ANKRD60: variants seen among roughly 807,000 people sequenced by gnomAD.
ANKRD60 encodes the protein ankyrin repeat domain-containing protein 60.
Under a neutral mutation model 21.3 loss-of-function variants are expected in ANKRD60, and 24 were observed. The observed-to-expected ratio is 1.13, with a 90% CI of 0.82 to 1.59. The LOEUF (loss-of-function observed/expected upper bound fraction) is 1.59. ANKRD60 is among the 40% of genes most tolerant of loss of function. The pLI is 0.00. For missense variants in ANKRD60, 490 were observed against 466.7 expected, an observed-to-expected ratio of 1.05 and a Z score of -0.46; for synonymous variants, 182 against 199.4, an observed-to-expected ratio of 0.91 and a Z score of 0.74.
exon 4 of ANKRD60, chr20:58,218,794 G>C (rs766820866): frequency 7.8e-6 from 12 of 1,536,844 alleles, no homozygotes; most frequent in Non-Finnish European, 1.1e-5. Context: ...GATCTGCTGA[G>C]GCAGCTGGCT....
chr20:58,221,673 C>T (rs545311343), intron 2 of ANKRD60, among the ~76,000 whole-genome samples, 170 bp from the exon 3 acceptor site: 3 of 152,256 alleles, frequency 2.0e-5, no homozygotes, highest in Admixed American at 6.5e-5. Context: ...CCCAGGACAG[C>T]ATGGGGAGGC....
intron 3 of ANKRD60, among the ~76,000 whole-genome samples, chr20:58,219,055 A>G (rs972397559): frequency 6.6e-6 from 1 of 151,240 alleles, no homozygotes; most frequent in East Asian, 2.0e-4. Context: ...TTTCCCGCTC[A>G]CTCTCACCCT....
intron 2 of ANKRD60, among the ~76,000 whole-genome samples, chr20:58,222,588 C>T (rs1296897132): frequency 1.3e-5 from 2 of 152,200 alleles, no homozygotes; most frequent in Admixed American, 6.5e-5. Flanking sequence ...AGCTGAGAGG[C>T]CAGCAGGAGC....
At chr20:58,218,935 C>A (rs1246769062) in intron 3 of ANKRD60, 130 bp from the exon 4 acceptor site, 8 of 769,988 alleles carry the variant, frequency 1.0e-5, no homozygotes, top group Non-Finnish European at 1.6e-5. Flanking sequence ...TGCCCTGCCC[C>A]CAGTCCACTC....
chr20:58,223,414 G>A (rs571284588), intron 1 of ANKRD60, among the ~76,000 whole-genome samples: 2 of 152,274 alleles, frequency 1.3e-5, no homozygotes, highest in Admixed American at 6.5e-5. Context: ...CAATGCCAAC[G>A]ATTTATAAAA....
rs1438196535 is a variant in ANKRD60, at chr20:58,228,592, G to A, written c.62C>T (p.Ala21Val). The stretch of plus-strand genomic sequence containing the variant: ...AGAGGCGCCCCCAGTTGGCCCCGCC[G>A]CCCGCGCTCCGCCCGCCCCCGCCGC... The change falls in exon 1 of 4, where the codon GCG becomes GTG. Residue 21 changes from alanine (A) to valine (V), a missense_variant. Physicochemically the swap from Ala to Val is moderately conservative, Grantham distance 64 (BLOSUM62 0). Transcript: ENST00000457363. This position sits in a 1 kb window ranked among gnomAD's most constrained non-coding sequence, Gnocchi z 5.3. The A allele has an allele frequency of 2.7e-6, 3 of 1,125,618 alleles. No homozygotes were observed. Among genetic ancestry groups the A allele is most frequent in the Admixed American group, 4.9e-5 (1 of 20,302 alleles). 69.7% of individuals were successfully genotyped at this position (1,125,618 alleles called of 1,614,324 possible).
At position 58,218,824 on chromosome 20, in the gene ANKRD60, G is replaced by A; in HGVS notation, c.728-19C>T. The A allele has an allele frequency of 6.6e-7, 1 of 1,515,724 alleles. No individual in the cohort carries two copies. Among genetic ancestry groups the A allele is most frequent in the South Asian group, 1.3e-5 (1 of 78,014 alleles). The allele number at this position is 1,515,724 out of a possible 1,614,324, so 93.9% of individuals were successfully genotyped here. On this transcript the variant is annotated intron_variant, in intron 3 of 3. Coordinates refer to ENST00000457363, the Ensembl canonical transcript of ANKRD60. ...CTGGCTCCTGTAAAATAAGAACATT[G>A]GCCAGAAGGAAGACATGCGGAGGGG...
intron 1 of ANKRD60, among the ~76,000 whole-genome samples, chr20:58,224,320 T>C (rs1474878846): frequency 6.6e-6 from 1 of 152,126 alleles, no homozygotes; most frequent in Non-Finnish European, 1.5e-5. Context: ...TCCAACTGAG[T>C]GGGATTCATG....
chr20:58,222,990 C>G (rs182314580), intron 2 of ANKRD60, 62 bp downstream of exon 2: 1 of 1,485,706 alleles, frequency 6.7e-7, no homozygotes, highest in African/African-American at 1.4e-5. Flanking sequence ...GACTAATTTT[C>G]CCCCCACAAT....
Position 58,218,807 on chromosome 20 carries a change from T to C in ANKRD60, c.728-2A>G. 1 of 1,529,014 alleles carries C rather than the reference T, an allele frequency of 6.5e-7. No individual in the cohort carries two copies. Among genetic ancestry groups the C allele is most frequent in the Admixed American group, 2.0e-5 (1 of 49,612 alleles). 94.7% of individuals were successfully genotyped at this position (1,529,014 alleles called of 1,614,324 possible). On this transcript the variant is annotated splice_acceptor_variant, in intron 3 of 3. Transcript: ENST00000457363. LOFTEE classifies it high-confidence loss of function. ...GGGATCTGCTGAGGCAGCTGGCTCC[T>C]GTAAAATAAGAACATTGGCCAGAAG... is the stretch of plus-strand genomic sequence containing the variant.
downstream of ANKRD60, among the ~76,000 whole-genome samples, chr20:58,218,038 T>C (rs977232997): frequency 1.3e-5 from 2 of 152,148 alleles, no homozygotes; most frequent in Admixed American, 6.5e-5. Flanking sequence ...TGGGAGCATT[T>C]AGTTCCATGG....
exon 2 of ANKRD60, chr20:58,223,163 A>G: frequency 6.5e-7 from 1 of 1,546,698 alleles, no homozygotes; most frequent in Middle Eastern, 1.7e-4. Context: ...ACTTCAGGGT[A>G]GTGTCATCCA....
At chr20:58,222,687 C>G (rs759440388) in intron 2 of ANKRD60, among the ~76,000 whole-genome samples, 5 of 152,244 alleles carry the variant, frequency 3.3e-5, no homozygotes, top group Non-Finnish European at 5.9e-5. Flanking sequence ...GCCTGTACCA[C>G]AGCCCCGAGC....
downstream of ANKRD60, among the ~76,000 whole-genome samples, chr20:58,218,179 G>A (rs566083699): frequency 2.0e-5 from 3 of 152,256 alleles, no homozygotes; most frequent in East Asian, 5.8e-4. Flanking sequence ...GCATTAGACG[G>A]TCCCCAGAAG....
chr20:58,219,116 A>C (rs1984193943), intron 3 of ANKRD60, among the ~76,000 whole-genome samples: 1 of 150,358 alleles, frequency 6.7e-6, no homozygotes, highest in Non-Finnish European at 1.5e-5. Flanking sequence ...CTCCTCCCCC[A>C]CCCCACCACC....
rs1269506644 is a variant in ANKRD60 at position 58,228,433 on chromosome 20, T to C, written c.221A>G (p.Gln74Arg). 43 of 1,541,746 alleles carry C rather than the reference T, an allele frequency of 2.8e-5. No homozygotes were observed. Among genetic ancestry groups the C allele is most frequent in the East Asian group, 4.9e-5 (2 of 40,882 alleles). ...GGCCTTCGGGTCACAGACGAGCCGCTGGCTCCGGCCGCGGGCACAGGCCAG... is the reference window on the plus strand; with the variant it reads ...GGCCTTCGGGTCACAGACGAGCCGCCGGCTCCGGCCGCGGGCACAGGCCAG... The change falls in exon 1 of 4, where the codon CAG becomes CGG. Residue 74 changes from glutamine to arginine, a missense_variant. Gln to Arg is a conservative substitution (Grantham distance 43, BLOSUM62 1). Transcript: ENST00000457363. The surrounding 1 kb of genome is among the most constrained non-coding windows in gnomAD (Gnocchi z 5.3).
At chr20:58,218,477 A>G (rs765649192), downstream of ANKRD60, 11 of 1,540,288 alleles carry the variant, frequency 7.1e-6, no homozygotes, top group Non-Finnish European at 9.7e-6. Context: ...CTCAGCGGGC[A>G]AACGTTCCCA....
intron 3 of ANKRD60, 68 bp from the exon 4 acceptor site, chr20:58,218,873 G>C (rs1984189040): frequency 7.1e-7 from 1 of 1,409,724 alleles, no homozygotes; most frequent in East Asian, 2.5e-5. Flanking sequence ...GTCCAGGGCT[G>C]TGAAGGGAGT....
At chr20:58,224,344 C>T (rs1984324910) in intron 1 of ANKRD60, among the ~76,000 whole-genome samples, 1 of 152,198 alleles carries the variant, frequency 6.6e-6, no homozygotes. Context: ...TTTCTGGTTT[C>T]ATGATTCATG....
Sources: gnomAD v4.1 joint callset for allele counts (sites outside exome capture counted in the v4.1 genomes callset) on GRCh38, gnomAD v4.1.1 for gene constraint, Gnocchi (gnomAD v3.1) non-coding constraint, MANE v1.5 for transcripts, NCBI Gene and HGNC (gene_info 2026-07-23, HGNC 2026-07-21) for gene names.